Variants in STARD9 observed in about 807,000 individuals in gnomAD.
The protein encoded by STARD9 is stAR-related lipid transfer protein 9.
STARD9 carries 346 observed loss-of-function variants against 399.8 expected under a neutral mutation model. The observed-to-expected ratio is 0.87, with a 90% confidence interval of 0.79 to 0.95. The LOEUF (loss-of-function observed/expected upper bound fraction) is 0.95, where lower values mean the gene tolerates loss of function less well. Ranked by LOEUF, STARD9 falls within the 40% of genes least tolerant of loss-of-function variation. The pLI, the probability that STARD9 is intolerant of heterozygous loss-of-function variation, is 0.00. For missense variants in STARD9, 5,832 were observed against 5,667.5 expected (o/e 1.03, Z -0.93); for synonymous variants, 2,203 against 2,143.5 (o/e 1.03, Z -0.77).
intron 21 of STARD9, 147 bp from the exon 22 acceptor site, chr15:42,681,957 A>G (rs1214731386): frequency 3.2e-6 from 2 of 632,858 alleles, no homozygotes; most frequent in African/African-American, 3.7e-5. Flanking sequence ...GGAGCCCTGT[A>G]GCCCTGCAGC....
intron 9 of STARD9, among the ~76,000 whole-genome samples, chr15:42,655,509 G>A (rs928801976): frequency 3.3e-5 from 5 of 152,200 alleles, no homozygotes; most frequent in African/African-American, 1.2e-4. Flanking sequence ...TTCAACAAAT[G>A]GTGCTGGGAT....
rs1334728501 is a variant in STARD9, at chr15:42,693,198, TC to T, written c.11622del (p.Glu3875SerfsTer44). 11 of 1,537,042 alleles carry T rather than the reference TC, an allele frequency of 7.2e-6. No homozygotes were observed. Among genetic ancestry groups the T allele is most frequent in the Non-Finnish European group, 7.8e-6 (9 of 1,146,854 alleles). ...PHSPGLFPST[S>X]EYPGDSRVQK... ...TTCCCCAGGGCTCTTTCCCAGTACT[TC>T]CGAGTATCCTGGGGACTCCAGGGTC... On this transcript the variant is annotated frameshift_variant, in exon 23 of 33. Transcript: ENST00000290607. LOFTEE classifies it high-confidence loss of function.
chr15:42,626,674 A>ATT (rs796664585), intron 3 of STARD9, among the ~76,000 whole-genome samples: 5 of 118,312 alleles, frequency 4.2e-5, no homozygotes, highest in African/African-American at 1.3e-4. Context: ...CTAATTTTGT[A>ATT]TTTTTTTTTT....
intron 15 of STARD9, among the ~76,000 whole-genome samples, chr15:42,666,268 T>A (rs1341051109): frequency 7.2e-5 from 11 of 152,214 alleles, no homozygotes; most frequent in Non-Finnish European, 1.3e-4. Flanking sequence ...ATGAACCATG[T>A]GATTTAGCTG....
chr15:42,666,049 T>G (rs773460301), intron 15 of STARD9, among the ~76,000 whole-genome samples: 4 of 152,230 alleles, frequency 2.6e-5, no homozygotes, highest in Non-Finnish European at 5.9e-5. Context: ...TTCTGTATTG[T>G]TCTCTCAGGG....
chr15:42,686,401 T>C lies in STARD9; in HGVS notation c.4823T>C (p.Phe1608Ser), dbSNP rs1272504346. 6.5e-7 allele frequency: 1 copy of C among 1,537,678 alleles called. No homozygotes were observed. Among genetic ancestry groups the C allele is most frequent in the Non-Finnish European group, 8.7e-7 (1 of 1,147,022 alleles). ...TCTCGATCTACAAATGCACAGGTCT[T>C]TGCAACAGAGAACGCGATACCAGAT... ...SASRSTNAQV[F>S]ATENAIPDSM... is the part of the protein sequence containing the mutation. Residue 1608 changes from phenylalanine to serine, a missense_variant, in exon 23 of 33, where the codon TTT becomes TCT. By Grantham distance (155) the Phe-to-Ser change is radical. This residue lies in a region of STARD9 where 5,828 missense variants were observed against 5,651.1 expected (regional missense o/e 1.03). Coordinates refer to ENST00000290607, the MANE Select transcript of STARD9 (RefSeq NM_020759.3).
At chr15:42,661,112 A>T in intron 9 of STARD9, 46 bp from the exon 10 acceptor site, 1 of 1,396,214 alleles carries the variant, frequency 7.2e-7, no homozygotes, top group Non-Finnish European at 9.8e-7. Flanking sequence ...GGGGAAAACA[A>T]TACAAATCGT....
rs561497228 is a variant in STARD9, at chr15:42,687,207, A to T, written c.5629A>T (p.Lys1877Ter). The T allele has an allele frequency of 1.0e-3, 1,550 of 1,537,282 alleles. 2 individuals carry two copies. The highest frequency in any genetic ancestry group is 1.3e-3 in the Non-Finnish European group (1,481 of 1,146,976). The change falls in exon 23 of 33, where the codon AAA becomes TAA. Residue 1877 changes from lysine (K) to a stop codon, truncating the protein, a stop_gained. Coordinates refer to ENST00000290607, the MANE Select transcript of STARD9 (RefSeq NM_020759.3). LOFTEE classifies it high-confidence loss of function. ...TGAAAACCAAGTTGTAATTTTAAATAAAAAACACAGTTTTCCAGCACTTGA... is the reference window on the plus strand; with the variant it reads ...TGAAAACCAAGTTGTAATTTTAAATTAAAAACACAGTTTTCCAGCACTTGA... Reference protein sequence around the residue: ...EFENQVVILNKKHSFPALEGG... With the variant: ...EFENQVVILN
chr15:42,690,233 A>G lies in STARD9; in HGVS notation c.8655A>G (p.Thr2885=), dbSNP rs768931559. 1.6e-5 allele frequency: 24 copies of G among 1,537,584 alleles called. No individual in the cohort carries two copies. Among genetic ancestry groups the G allele is most frequent in the Non-Finnish European group, 2.1e-5 (24 of 1,146,990 alleles). ...AGGAGAGTGTTGGGTCTGGGTTGAC[A>G]GAAGTCTGCAGGGCTGGCAGCAAAC... ...QCKESVGSGL[T]EVCRAGSKHS... is the part of the protein sequence containing the mutation. Residue 2885 remains threonine, a synonymous_variant, in exon 23 of 33, where the codon ACA becomes ACG. Coordinates refer to ENST00000290607, the MANE Select transcript of STARD9 (RefSeq NM_020759.3).
In STARD9 at chr15:42,638,212, T is replaced by C. The variant is rs1394322229; in HGVS notation, c.446+125T>C. ...GGATGGAGAAAAGCCACAGAAGAAATATCTTGCAGTACAAGAGCTGAGAAA... is the reference window on the plus strand; with the variant it reads ...GGATGGAGAAAAGCCACAGAAGAAACATCTTGCAGTACAAGAGCTGAGAAA... On this transcript the variant is annotated intron_variant, in intron 6 of 32. Transcript: ENST00000290607. 4 of 833,582 alleles carry C rather than the reference T, an allele frequency of 4.8e-6. No individual in the cohort carries two copies. The East Asian group carries it at 1.1e-4, about 22-fold the overall frequency. The allele number at this position is 833,582 out of a possible 1,614,324, so 51.6% of individuals were successfully genotyped here. A position where few individuals can be genotyped will look rare whatever the true frequency, so the allele number is the denominator to read the frequency against.
At position 42,651,013 on chromosome 15, in the gene STARD9, T is replaced by C; in HGVS notation, c.560-3T>C. ...TCTTTTTTCCGTTTCACAAATCCGA[T>C]AGGTTTATCTCAACATGTAGTTACC... is the stretch of plus-strand genomic sequence containing the variant. On this transcript the variant is annotated splice_polypyrimidine_tract_variant and splice_region_variant and intron_variant, in intron 7 of 32. Coordinates refer to ENST00000290607, the MANE Select transcript of STARD9 (RefSeq NM_020759.3). The C allele has an allele frequency of 6.6e-7, 1 of 1,513,060 alleles. No individual in the cohort carries two copies. The highest frequency in any genetic ancestry group is 1.2e-5 in the South Asian group (1 of 80,470). 93.7% of individuals were successfully genotyped at this position (1,513,060 alleles called of 1,614,324 possible). A position where few individuals can be genotyped will look rare whatever the true frequency, so the allele number is the denominator to read the frequency against.
rs977194943 is a variant in STARD9, at chr15:42,575,657, G to T, written c.-59G>T. On this transcript the variant is annotated 5_prime_UTR_variant, in exon 1 of 33. Coordinates refer to ENST00000290607, the MANE Select transcript of STARD9 (RefSeq NM_020759.3). ...GGTTGGGGCTGTGTCTGGGCTTAGG[G>T]CGGGGGCCTGGGATGCTGCCGCTGA... 6.6e-7 allele frequency: 1 copy of T among 1,524,228 alleles called. No homozygotes were observed. Among genetic ancestry groups the T allele is most frequent in the Non-Finnish European group, 8.8e-7 (1 of 1,137,112 alleles). The allele number at this position is 1,524,228 out of a possible 1,614,324, so 94.4% of individuals were successfully genotyped here.
chr15:42,639,679 A>G (rs867859453), intron 7 of STARD9, among the ~76,000 whole-genome samples: 1 of 152,146 alleles, frequency 6.6e-6, no homozygotes, highest in Non-Finnish European at 1.5e-5. Flanking sequence ...CCTGGCCAAC[A>G]TGGTGAAACC....
chr15:42,633,968 A>G (rs1214087686), intron 3 of STARD9, among the ~76,000 whole-genome samples: 1 of 151,922 alleles, frequency 6.6e-6, no homozygotes, highest in Non-Finnish European at 1.5e-5. Context: ...TTCATGTGCT[A>G]GTGTTGTCCT....
intron 26 of STARD9, among the ~76,000 whole-genome samples, chr15:42,701,564 A>G (rs931160672): frequency 6.6e-6 from 1 of 152,160 alleles, no homozygotes; most frequent in African/African-American, 2.4e-5. Context: ...CTATAGAAAC[A>G]CTACTGATTT....
intron 3 of STARD9, 45 bp from the exon 4 acceptor site, chr15:42,634,811 A>G: frequency 1.1e-6 from 1 of 926,546 alleles, no homozygotes; most frequent in Non-Finnish European, 1.6e-6. Flanking sequence ...ATCTGCTATG[A>G]GAAGAAGGAC....
chr15:42,682,668 C>T, intron 22 of STARD9, 93 bp downstream of exon 22: 3 of 987,022 alleles, frequency 3.0e-6, no homozygotes, highest in South Asian at 1.7e-5. Context: ...GCCTCATTTC[C>T]TCAGTCTGTG....
chr15:42,695,402 A>G, intron 25 of STARD9, 79 bp downstream of exon 25: 2 of 1,324,124 alleles, frequency 1.5e-6, no homozygotes, highest in East Asian at 2.5e-5. Context: ...GCCGCCTCTG[A>G]GTCTTGGGAC....
chr15:42,637,079 TAAA>T (rs5812228), intron 4 of STARD9, among the ~76,000 whole-genome samples: 1 of 144,294 alleles, frequency 6.9e-6, no homozygotes, highest in African/African-American at 2.5e-5. Context: ...AAATAATAAT[TAAA>T]AAAAAAAAAA....
Sources: gnomAD v4.1 joint callset for allele counts (sites outside exome capture counted in the v4.1 genomes callset) on GRCh38, gnomAD v4.1.1 for gene constraint, gnomAD v4.1.1 regional missense constraint, MANE v1.5 for transcripts, NCBI Gene and HGNC (gene_info 2026-07-23, HGNC 2026-07-21) for gene names.